Variants in MAP3K10 observed in about 807,000 individuals in gnomAD.
The protein encoded by MAP3K10 is MKN28 derived nonreceptor_type serine/threonine kinase.
In MAP3K10, 22 loss-of-function variants were observed where a neutral mutation model predicts 75.0. The observed-to-expected ratio is 0.29, with a 90% confidence interval of 0.21 to 0.42. MAP3K10 has a LOEUF of 0.42. Ranked by LOEUF, MAP3K10 falls within the 10% of genes least tolerant of loss-of-function variation. The pLI is 1.00. For synonymous variants in MAP3K10, 599 were observed against 612.9 expected (o/e 0.98, Z 0.34); for missense variants, 1,165 against 1,379.8 (o/e 0.84, Z 2.47).
chr19:40,195,305 C>A (rs1026885276), intron 1 of MAP3K10, among the ~76,000 whole-genome samples: 2 of 151,866 alleles, frequency 1.3e-5, no homozygotes, highest in African/African-American at 4.8e-5. Flanking sequence ...CTGGGAAATA[C>A]AGAAATAAAG....
chr19:40,213,940 A>G lies in MAP3K10; in HGVS notation c.2261A>G (p.Asp754Gly), dbSNP rs1973294228. The G allele has an allele frequency of 6.5e-7, 1 of 1,529,950 alleles. No individual in the cohort carries two copies. Among genetic ancestry groups the G allele is most frequent in the Non-Finnish European group, 8.7e-7 (1 of 1,146,466 alleles). 94.8% of individuals were successfully genotyped at this position (1,529,950 alleles called of 1,614,324 possible). A position where few individuals can be genotyped will look rare whatever the true frequency, so the allele number is the denominator to read the frequency against. ...CTCGTGTCGCTGTCGTCCGTGTCCG[A>G]CTGCAACTCCACGCGTTCACTGCTG... is the stretch of plus-strand genomic sequence containing the variant. Reference protein sequence around the residue: ...ATLVSLSSVSDCNSTRSLLRS... With the variant: ...ATLVSLSSVSGCNSTRSLLRS... The change falls in exon 9 of 10, where the codon GAC becomes GGC. Residue 754 changes from aspartate to glycine, a missense_variant. By Grantham distance (94) the Asp-to-Gly change is moderately conservative. Coordinates refer to ENST00000253055, the MANE Select transcript of MAP3K10 (RefSeq NM_002446.4). This position sits in a 1 kb window ranked among gnomAD's most constrained non-coding sequence, Gnocchi z 5.7.
chr19:40,210,572 A>G (rs1435101572), intron 6 of MAP3K10, among the ~76,000 whole-genome samples: 1 of 151,596 alleles, frequency 6.6e-6, no homozygotes, highest in African/African-American at 2.4e-5. Flanking sequence ...GTGGTGGCGC[A>G]TGCCTGTAAT....
chr19:40,208,355 T>TTTTA (rs1288309602), intron 5 of MAP3K10, among the ~76,000 whole-genome samples: 3 of 103,440 alleles, frequency 2.9e-5, no homozygotes, highest in African/African-American at 8.4e-5. Flanking sequence ...CTTTTTTTTT[T>TTTTA]TTTTTTTTTT....
chr19:40,197,659 G>A (rs1384238411), intron 1 of MAP3K10, among the ~76,000 whole-genome samples: 1 of 152,094 alleles, frequency 6.6e-6, no homozygotes, highest in African/African-American at 2.4e-5. Context: ...GAATGGCAAA[G>A]TCTCATGGCA....
At position 40,192,088 on chromosome 19, in the gene MAP3K10, C is replaced by T. The variant is rs767062710; in HGVS notation, c.57C>T (p.Pro19=). The T allele has an allele frequency of 6.5e-7, 1 of 1,534,394 alleles. No homozygotes were observed. The highest frequency in any genetic ancestry group is 1.3e-5 in the South Asian group (1 of 79,024). Residue 19 remains proline, a synonymous_variant, in exon 1 of 10, where the codon CCC becomes CCT. Coordinates refer to ENST00000253055, the MANE Select transcript of MAP3K10 (RefSeq NM_002446.4). This position sits in a 1 kb window ranked among gnomAD's most constrained non-coding sequence, Gnocchi z 7.1. ...AKEWGTTPAG[P]VWTAVFDYEA... is the part of the protein sequence containing the mutation. The stretch of plus-strand genomic sequence containing the variant: ...AGTGGGGCACGACCCCCGCGGGGCC[C>T]GTCTGGACCGCGGTGTTCGACTACG...
chr19:40,206,329 G>A (rs1232809676), intron 5 of MAP3K10, 172 bp downstream of exon 5: 6 of 682,276 alleles, frequency 8.8e-6, no homozygotes, highest in Admixed American at 3.9e-5. Flanking sequence ...GCCTACTCAG[G>A]AGGCCAAGGT....
At chr19:40,208,961 A>G (rs576092604) in intron 5 of MAP3K10, 142 bp from the exon 6 acceptor site, 2 of 673,218 alleles carry the variant, frequency 3.0e-6, no homozygotes, top group Admixed American at 4.7e-5. Flanking sequence ...TCTGGGGCCC[A>G]CACTCTGAGA....
At chr19:40,201,115 T>G (rs972270260) in intron 2 of MAP3K10, among the ~76,000 whole-genome samples, 1 of 151,776 alleles carries the variant, frequency 6.6e-6, no homozygotes, top group African/African-American at 2.4e-5. Flanking sequence ...CCTTGTATGG[T>G]CTCCATTCTG....
At position 40,198,519 on chromosome 19, in the gene MAP3K10, G is replaced by A. The variant is rs368334260; in HGVS notation, c.827G>A (p.Arg276His). 1.9e-6 allele frequency: 3 copies of A among 1,613,720 alleles called. No homozygotes were observed. Among genetic ancestry groups the A allele is most frequent in the Non-Finnish European group, 1.7e-6 (2 of 1,179,706 alleles). The change falls in exon 2 of 10, where the codon CGT becomes CAT. Residue 276 changes from arginine to histidine, a missense_variant. Physicochemically the swap from Arg to His is conservative, Grantham distance 29 (BLOSUM62 0). Coordinates refer to ENST00000253055, the MANE Select transcript of MAP3K10 (RefSeq NM_002446.4). The surrounding 1 kb of genome is among the most constrained non-coding windows in gnomAD (Gnocchi z 4.3). ...GCCTGGATGGCGCCGGAGGTTATCC[G>A]TCTCTCCCTCTTCTCCAAAAGCAGT... is the stretch of plus-strand genomic sequence containing the variant. The part of the protein sequence containing the change: ...TYAWMAPEVI[R>H]LSLFSKSSDV...
chr19:40,192,179 T>C lies in MAP3K10; in HGVS notation c.148T>C (p.Cys50Arg). Residue 50 changes from cysteine (C) to arginine (R), a missense_variant, in exon 1 of 10, where the codon TGT (cysteine) becomes CGT (arginine). By Grantham distance (180) the Cys-to-Arg change is radical (BLOSUM62 -3). Transcript: ENST00000253055. This position sits in a 1 kb window ranked among gnomAD's most constrained non-coding sequence, Gnocchi z 7.1. ...TCGCGTCCAGGTGCTTTCCCAAGAC[T>C]GTGCGGTGTCCGGCGACGAGGGCTG... ...GDRVQVLSQD[C>R]AVSGDEGWWT... The C allele has an allele frequency of 2.5e-6, 4 of 1,608,454 alleles. No individual in the cohort carries two copies. The highest frequency in any genetic ancestry group is 3.4e-6 in the Non-Finnish European group (4 of 1,178,414).
chr19:40,214,025 G>T lies in MAP3K10; in HGVS notation c.2346G>T (p.Ala782=). Residue 782 remains alanine, a synonymous_variant, in exon 9 of 10, where the codon GCG becomes GCT. Coordinates refer to ENST00000253055, the MANE Select transcript of MAP3K10 (RefSeq NM_002446.4). ...AAPSPPPSPP[A]PTPTPSPSTN... is the part of the protein sequence containing the mutation. The stretch of plus-strand genomic sequence containing the variant: ...CCTCCCCACCACCCTCCCCGCCCGC[G>T]CCCACACCCACGCCCTCGCCCAGCA... The T allele has an allele frequency of 1.0e-6, 1 of 976,532 alleles. No individual in the cohort carries two copies. Among genetic ancestry groups the T allele is most frequent in the Non-Finnish European group, 1.4e-6 (1 of 716,384 alleles). The allele number at this position is 976,532 out of a possible 1,614,324, so 60.5% of individuals were successfully genotyped here. A position where few individuals can be genotyped will look rare whatever the true frequency, so the allele number is the denominator to read the frequency against.
At chr19:40,202,672 C>T (rs1019771257) in intron 2 of MAP3K10, among the ~76,000 whole-genome samples, 2 of 152,046 alleles carry the variant, frequency 1.3e-5, no homozygotes, top group East Asian at 3.9e-4. Context: ...AAAAGACAGG[C>T]TCTCACTCTC....
Position 40,214,238 on chromosome 19 carries a change from G to C in MAP3K10, c.2542+17G>C. The C allele has an allele frequency of 7.3e-7, 1 of 1,378,110 alleles. No individual in the cohort carries two copies. 85.4% of individuals were successfully genotyped at this position (1,378,110 alleles called of 1,614,324 possible). The stretch of plus-strand genomic sequence containing the variant: ...ATGGCCCTGGTGAGTGAGGCGCCCT[G>C]CACCCAGGTCACAGAAAACCCCTTC... On this transcript the variant is annotated intron_variant, in intron 9 of 9. Coordinates refer to ENST00000253055, the MANE Select transcript of MAP3K10 (RefSeq NM_002446.4).
rs111392761 is a variant in MAP3K10, at chr19:40,207,899, T to A, written c.1436-1204T>A. ...TTGGACAGTAAATTTTCATTAAAAA[T>A]TTTTTTTTTTCTGAGATGGGGTCTT... On this transcript the variant is annotated intron_variant, in intron 5 of 9. Coordinates refer to ENST00000253055, the MANE Select transcript of MAP3K10 (RefSeq NM_002446.4). Among the ~76,000 whole-genome samples the A allele has an allele frequency of 1.6e-3, 232 of 147,774 alleles. 1 individual carries two copies. The highest frequency in any genetic ancestry group is 2.8e-3 in the African/African-American group (114 of 40,906).
chr19:40,213,031 C>G lies in MAP3K10; in HGVS notation c.1725-45C>G, dbSNP rs1241196855. ...GTGCCCAAGCCCCAGCTCCCAGGCTCCAGGCCACAGGACTGAGGTCTCCAT... is the reference window on the plus strand; with the variant it reads ...GTGCCCAAGCCCCAGCTCCCAGGCTGCAGGCCACAGGACTGAGGTCTCCAT... On this transcript the variant is annotated intron_variant, in intron 7 of 9. Coordinates refer to ENST00000253055, the MANE Select transcript of MAP3K10 (RefSeq NM_002446.4). This position sits in a 1 kb window ranked among gnomAD's most constrained non-coding sequence, Gnocchi z 5.7. 6.3e-7 allele frequency: 1 copy of G among 1,597,022 alleles called. No individual in the cohort carries two copies. Among genetic ancestry groups the G allele is most frequent in the East Asian group, 2.2e-5 (1 of 44,810 alleles).
At chr19:40,203,754 G>T (rs1482582756) in intron 2 of MAP3K10, among the ~76,000 whole-genome samples, 1 of 152,224 alleles carries the variant, frequency 6.6e-6, no homozygotes. Context: ...ATGTTAACTG[G>T]TTTTTAGAGG....
Position 40,215,474 on chromosome 19 carries a change from C to T in MAP3K10, c.*182C>T, listed in dbSNP as rs1260122350. On this transcript the variant is annotated 3_prime_UTR_variant, in exon 10 of 10. Transcript: ENST00000253055. ...GTACCCCAGGGGGTGGAGCCCTGTGCCCACCCTGCACTGGGGGGAGGGTGG... is the reference window on the plus strand; with the variant it reads ...GTACCCCAGGGGGTGGAGCCCTGTGTCCACCCTGCACTGGGGGGAGGGTGG... The T allele has an allele frequency of 3.2e-6, 2 of 627,614 alleles. No homozygotes were observed. Among genetic ancestry groups the T allele is most frequent in the South Asian group, 2.0e-5 (1 of 50,158 alleles). 38.9% of individuals were successfully genotyped at this position (627,614 alleles called of 1,614,324 possible).
chr19:40,191,470 G>C lies in MAP3K10; in HGVS notation c.-562G>C, dbSNP rs995436299. On this transcript the variant is annotated 5_prime_UTR_variant, in exon 1 of 10. Coordinates refer to ENST00000253055, the MANE Select transcript of MAP3K10 (RefSeq NM_002446.4). ...TGGCCCGGGGAAGCAGCACGGGCGG[G>C]GGGCAGGGGCTGGGGCCGACCGGGA... Among the ~76,000 whole-genome samples the C allele has an allele frequency of 5.3e-5, 8 of 151,444 alleles. No individual in the cohort carries two copies. The highest frequency in any genetic ancestry group is 1.9e-4 in the African/African-American group (8 of 41,346).
Position 40,213,832 on chromosome 19 carries a change from C to T in MAP3K10, c.2153C>T (p.Pro718Leu), listed in dbSNP as rs1208415755. The change falls in exon 9 of 10, where the codon CCG (proline) becomes CTG (leucine). Residue 718 changes from proline to leucine, a missense_variant. Around this residue, in one of 2 missense-constraint regions of MAP3K10, gnomAD observed 590 missense variants for 586.6 expected, o/e 1.01. Coordinates refer to ENST00000253055, the MANE Select transcript of MAP3K10 (RefSeq NM_002446.4). The surrounding 1 kb of genome is among the most constrained non-coding windows in gnomAD (Gnocchi z 5.7). Reference sequence around the variant, plus strand: ...TTCTTTCCCCGCGCCGGCCGCTTCCCGCGGGGCCTCAGCCCACCCGCGCGT... The same window carrying T: ...TTCTTTCCCCGCGCCGGCCGCTTCCTGCGGGGCCTCAGCCCACCCGCGCGT... ...GLFFPRAGRF[P>L]RGLSPPARPH... 2 of 1,331,264 alleles carry T rather than the reference C, an allele frequency of 1.5e-6. No individual in the cohort carries two copies. Among genetic ancestry groups the T allele is most frequent in the South Asian group, 1.7e-5 (1 of 60,524 alleles). The allele number at this position is 1,331,264 out of a possible 1,614,324, so 82.5% of individuals were successfully genotyped here. A position where few individuals can be genotyped will look rare whatever the true frequency, so the allele number is the denominator to read the frequency against.
Sources: gnomAD v4.1 joint callset for allele counts (sites outside exome capture counted in the v4.1 genomes callset) on GRCh38, gnomAD v4.1.1 for gene constraint, gnomAD v4.1.1 regional missense constraint, Gnocchi (gnomAD v3.1) non-coding constraint, MANE v1.5 for transcripts, NCBI Gene and HGNC (gene_info 2026-07-23, HGNC 2026-07-21) for gene names.